The following OSBPL8 variants were observed in gnomAD, a reference collection of about 807,000 sequenced individuals.
OSBPL8 encodes oxysterol-binding protein-related protein 8.
A neutral mutation model predicts 125.5 loss-of-function variants in OSBPL8; 59 were observed. That is an observed-to-expected ratio of 0.47 (90% confidence interval 0.38 to 0.58). OSBPL8 has a LOEUF of 0.58. OSBPL8 is among the 20% of genes least tolerant of loss of function. OSBPL8 has a pLI of 0.00. For synonymous variants in OSBPL8, 330 were observed against 338.9 expected, an observed-to-expected ratio of 0.97 and a Z score of 0.29; for missense variants, 758 against 1,047.8, an observed-to-expected ratio of 0.72 and a Z score of 3.82.
intron 8 of OSBPL8, among the ~76,000 whole-genome samples, chr12:76,395,832 A>G (rs937055734): frequency 8.5e-5 from 13 of 152,128 alleles, no homozygotes; most frequent in African/African-American, 3.1e-4. Context: ...AAATATTTAA[A>G]CAATATCCTA....
intron 2 of OSBPL8, among the ~76,000 whole-genome samples, chr12:76,465,024 C>T (rs1247087115): frequency 3.3e-5 from 5 of 152,162 alleles, no homozygotes; most frequent in Admixed American, 2.6e-4. Flanking sequence ...CATCACTCTA[C>T]ACTTAGCTGA....
chr12:76,495,415 T>C (rs1033066770), intron 1 of OSBPL8, among the ~76,000 whole-genome samples: 12 of 152,218 alleles, frequency 7.9e-5, no homozygotes, highest in African/African-American at 2.9e-4. Flanking sequence ...AATAAATTAC[T>C]ATACAAGAGC....
At chr12:76,538,730 T>A (rs1005010131) in intron 1 of OSBPL8, among the ~76,000 whole-genome samples, 6 of 151,972 alleles carry the variant, frequency 3.9e-5, no homozygotes, top group Non-Finnish European at 8.8e-5. Context: ...GGCAGATCAC[T>A]AGAGGTCAGG....
chr12:76,500,281 C>T (rs192739840), intron 1 of OSBPL8, among the ~76,000 whole-genome samples: 2 of 152,178 alleles, frequency 1.3e-5, no homozygotes, highest in African/African-American at 4.8e-5. Context: ...TACACCAGTG[C>T]CTTCATAGAT....
At chr12:76,420,709 A>G (rs1869369821) in intron 4 of OSBPL8, among the ~76,000 whole-genome samples, 1 of 152,046 alleles carries the variant, frequency 6.6e-6, no homozygotes, top group Non-Finnish European at 1.5e-5. Flanking sequence ...CATCTAAAAT[A>G]ATTTTTTCAA....
At chr12:76,442,334 C>T (rs1477299135) in intron 4 of OSBPL8, among the ~76,000 whole-genome samples, 1 of 152,134 alleles carries the variant, frequency 6.6e-6, no homozygotes, top group Non-Finnish European at 1.5e-5. Context: ...AAAACGATTT[C>T]ATTTTTATAT....
intron 2 of OSBPL8, among the ~76,000 whole-genome samples, chr12:76,480,167 C>CAAAAAAAAAAAAAAAAA (rs57582036): frequency 1.8e-5 from 1 of 56,388 alleles, no homozygotes; most frequent in Non-Finnish European, 3.1e-5. Flanking sequence ...AACTCCATCT[C>CAAAAAAAAAAAAAAAAA]AAAAAAAAAA....
chr12:76,476,178 T>G (rs1037942378), intron 2 of OSBPL8, among the ~76,000 whole-genome samples: 1 of 152,210 alleles, frequency 6.6e-6, no homozygotes, highest in Non-Finnish European at 1.5e-5. Context: ...TTCTCTAGAT[T>G]GACCAAAATG....
At position 76,497,173 on chromosome 12, in the gene OSBPL8, T is replaced by C. The variant is rs567846798; in HGVS notation, c.-67-9555A>G. 1.4e-4 allele frequency among the ~76,000 whole-genome samples: 22 copies of C among 152,084 alleles called. No homozygotes were observed. In the South Asian group the frequency reaches 4.6e-3, roughly 32 times the overall value. On this transcript the variant is annotated intron_variant, in intron 1 of 23. Coordinates refer to ENST00000261183, the MANE Select transcript of OSBPL8 (RefSeq NM_020841.5). The stretch of plus-strand genomic sequence containing the variant: ...GGAGATAGATATTGCAGTGTATCTG[T>C]ATAGCTTAGGAATCAGCAAATTTTT...
In OSBPL8 at chr12:76,419,702, A is replaced by C. The variant is rs79634397; in HGVS notation, c.218-9068T>G. On this transcript the variant is annotated intron_variant, in intron 4 of 23. Coordinates refer to ENST00000261183, the MANE Select transcript of OSBPL8 (RefSeq NM_020841.5). Reference sequence around the variant, plus strand: ...TTTTAGCCATCAAAGCAAATAAAAAAGAATTTCCTAAAGCTCAACCCCAAA... The same window carrying C: ...TTTTAGCCATCAAAGCAAATAAAAACGAATTTCCTAAAGCTCAACCCCAAA... Among the ~76,000 whole-genome samples, 1,229 of 152,366 alleles carry C rather than the reference A, an allele frequency of 8.1e-3. 16 individuals are homozygous for C. The highest frequency in any genetic ancestry group is 0.028 in the African/African-American group (1,146 of 41,586).
Position 76,456,652 on chromosome 12 carries a change from T to A in OSBPL8, c.79+3207A>T, listed in dbSNP as rs188778808. Among the ~76,000 whole-genome samples, 20 of 152,236 alleles carry A rather than the reference T, an allele frequency of 1.3e-4. No individual in the cohort carries two copies. In the East Asian group the frequency reaches 3.1e-3, roughly 24 times the overall value. ...TTTGACCCTCCAAAAACTTAAGTAC[T>A]AATAGCCTACTGTTTGCTGTTGACT... On this transcript the variant is annotated intron_variant, in intron 3 of 23. Coordinates refer to ENST00000261183, the MANE Select transcript of OSBPL8 (RefSeq NM_020841.5).
intron 7 of OSBPL8, 107 bp from the exon 8 acceptor site, chr12:76,398,004 C>T (rs1663328894): frequency 1.1e-6 from 1 of 892,802 alleles, no homozygotes; most frequent in African/African-American, 1.7e-5. Context: ...AACACGTACA[C>T]TTTAAATATT....
intron 19 of OSBPL8, 150 bp downstream of exon 19, chr12:76,371,298 C>T (rs1406049333): frequency 1.3e-5 from 11 of 847,892 alleles, no homozygotes; most frequent in Non-Finnish European, 1.6e-5. Flanking sequence ...CATTCATATA[C>T]ACAAAAACAG....
intron 4 of OSBPL8, among the ~76,000 whole-genome samples, chr12:76,442,929 T>C (rs1230038461): frequency 1.3e-5 from 2 of 152,142 alleles, no homozygotes; most frequent in East Asian, 1.9e-4. Flanking sequence ...TGAAAGAAAA[T>C]CTCCTTTGAA....
At chr12:76,392,187 G>A (rs1312495594) in intron 10 of OSBPL8, among the ~76,000 whole-genome samples, 1 of 152,138 alleles carries the variant, frequency 6.6e-6, no homozygotes, top group Non-Finnish European at 1.5e-5. Flanking sequence ...TTACTCTATA[G>A]AAAGACAGAT....
intron 2 of OSBPL8, among the ~76,000 whole-genome samples, chr12:76,478,782 G>A (rs912459066): frequency 6.6e-6 from 1 of 152,134 alleles, no homozygotes; most frequent in African/African-American, 2.4e-5. Flanking sequence ...TAAAGTAATG[G>A]AGATGTAAAC....
intron 17 of OSBPL8, 48 bp from the exon 18 acceptor site, chr12:76,373,481 C>A: frequency 1.4e-6 from 2 of 1,389,938 alleles, no homozygotes; most frequent in East Asian, 2.3e-5. Flanking sequence ...CTTATATTTA[C>A]ATATAATGTA....
intron 2 of OSBPL8, among the ~76,000 whole-genome samples, chr12:76,466,782 A>G (rs1400738160): frequency 1.3e-5 from 2 of 152,170 alleles, no homozygotes; most frequent in Non-Finnish European, 2.9e-5. Flanking sequence ...AACCTGGTGA[A>G]ACGTCGTATC....
chr12:76,450,787 C>A, intron 4 of OSBPL8, 64 bp downstream of exon 4: 11 of 1,460,082 alleles, frequency 7.5e-6, no homozygotes, highest in Non-Finnish European at 1.0e-5. Context: ...ATGTCATTCT[C>A]CCCTTCTCCC....
Sources: allele counts gnomAD v4.1 joint callset (sites outside exome capture counted in the v4.1 genomes callset), GRCh38; gene constraint gnomAD v4.1.1; transcripts MANE v1.5; gene names NCBI Gene and HGNC (gene_info 2026-07-23, HGNC 2026-07-21).